Variants in BCR observed in about 807,000 individuals in gnomAD.
The protein encoded by BCR is BCR activator of RhoGEF and GTPase, also known as breakpoint cluster region protein.
A neutral mutation model predicts 138.6 loss-of-function variants in BCR; 58 were observed. That is an observed-to-expected ratio of 0.42 (90% CI 0.34 to 0.52). The LOEUF is 0.52. Among genes scored for constraint, BCR ranks in the 20% least tolerant of loss-of-function variants. BCR has a pLI of 0.06. For missense variants in BCR, 1,599 were observed against 1,727.2 expected (o/e 0.93, Z 1.32); for synonymous variants, 786 against 730.1 (o/e 1.08, Z -1.23).
chr22:23,262,980 G>A, intron 4 of BCR: 1 of 937,700 alleles, frequency 1.1e-6, no homozygotes, highest in Non-Finnish European at 1.4e-6. Flanking sequence ...CAAAGGAGAT[G>A]AGGGGAGCGT....
At chr22:23,286,569 C>T (rs372837927) in intron 10 of BCR, among the ~76,000 whole-genome samples, 1 of 152,152 alleles carries the variant, frequency 6.6e-6, no homozygotes, top group South Asian at 2.1e-4. Flanking sequence ...TTGCATTCTC[C>T]ATGTTCAGCT....
chr22:23,296,343 T>C (rs910830423), intron 16 of BCR, among the ~76,000 whole-genome samples: 7 of 130,186 alleles, frequency 5.4e-5, no homozygotes, highest in African/African-American at 1.8e-4. Context: ...CGCTGATCTC[T>C]AGCCTGGGTG....
At chr22:23,264,031 C>T (rs2073405509) in intron 4 of BCR, 2 of 952,742 alleles carry the variant, frequency 2.1e-6, no homozygotes, top group Non-Finnish European at 3.5e-6. Context: ...TATGAGTCCC[C>T]TTTCGCACTG....
intron 16 of BCR, among the ~76,000 whole-genome samples, chr22:23,295,858 A>G (rs1033069450): frequency 2.0e-5 from 3 of 151,934 alleles, no homozygotes; most frequent in Admixed American, 6.6e-5. Context: ...CACCCTCACA[A>G]TTGCGCGGGG....
chr22:23,290,684 G>A (rs1043492450), intron 14 of BCR: 3 of 477,450 alleles, frequency 6.3e-6, no homozygotes, highest in Non-Finnish European at 1.2e-5. Context: ...AGTAATTGCA[G>A]GGGTTTGGCA....
intron 1 of BCR, 36 bp from the exon 2 acceptor site, chr22:23,253,763 C>T: frequency 3.2e-6 from 5 of 1,580,206 alleles, no homozygotes; most frequent in Non-Finnish European, 4.3e-6. Context: ...GCTCCCTTCT[C>T]TGTCTCTAAC....
chr22:23,315,470 T>C lies in BCR; in HGVS notation c.3764T>C (p.Ile1255Thr). 6.2e-7 allele frequency: 1 copy of C among 1,613,158 alleles called. No individual in the cohort carries two copies. Among genetic ancestry groups the C allele is most frequent in the Non-Finnish European group, 8.5e-7 (1 of 1,179,998 alleles). The change falls in exon 23 of 23, where the codon ATC becomes ACC. Residue 1255 changes from isoleucine (I) to threonine (T), a missense_variant. Ile to Thr is a moderately conservative substitution (Grantham distance 89). Transcript: ENST00000305877. Reference sequence around the variant, plus strand: ...CTGTACTTCCTGCAGCTGGAGGCCATCCCTGCCCCGGACAGCAAGAGACAG... The same window carrying C: ...CTGTACTTCCTGCAGCTGGAGGCCACCCCTGCCCCGGACAGCAAGAGACAG... Reference protein sequence around the residue: ...VLLYFLQLEAIPAPDSKRQSI... With the variant: ...VLLYFLQLEATPAPDSKRQSI...
At chr22:23,314,209 A>C in intron 21 of BCR, 136 bp downstream of exon 21, 1 of 713,176 alleles carries the variant, frequency 1.4e-6, no homozygotes, top group Admixed American at 2.4e-5. Context: ...GCCTTTGGCG[A>C]CTAGTGCCAC....
At chr22:23,204,211 A>C (rs376918775) in intron 1 of BCR, among the ~76,000 whole-genome samples, 2 of 151,890 alleles carry the variant, frequency 1.3e-5, no homozygotes, top group East Asian at 1.9e-4. Context: ...TAGCCATCCC[A>C]GCTCATGGAT....
At chr22:23,197,684 A>G (rs2072499746) in intron 1 of BCR, among the ~76,000 whole-genome samples, 2 of 151,934 alleles carry the variant, frequency 1.3e-5, no homozygotes, top group Non-Finnish European at 2.9e-5. Flanking sequence ...TTTGAGGATG[A>G]TAGGGAGCCA....
rs76203132 is a variant in BCR, at chr22:23,239,340, G to C, written c.1280-14459G>C. ...GTGGCTCTGGTCTGTTCTCTAGCAG[G>C]AGAGTCTGGGGTCAATCTGTAATAA... is the stretch of plus-strand genomic sequence containing the variant. On this transcript the variant is annotated intron_variant, in intron 1 of 22. Transcript: ENST00000305877. Among the ~76,000 whole-genome samples, 960 of 152,324 alleles carry C rather than the reference G, an allele frequency of 6.3e-3. 12 individuals are homozygous for C. The highest frequency in any genetic ancestry group is 0.022 in the African/African-American group (915 of 41,588).
Position 23,181,948 on chromosome 22 carries a change from C to A in BCR, c.988C>A (p.Pro330Thr), listed in dbSNP as rs773488857. ...TGAGGATTGCGGAGGCGGCTATACCCCGGACTGCAGCTCCAATGAGAACCT... is the reference window on the plus strand; with the variant it reads ...TGAGGATTGCGGAGGCGGCTATACCACGGACTGCAGCTCCAATGAGAACCT... ...SFEDCGGGYT[P>T]DCSSNENLTS... Residue 330 changes from proline to threonine, a missense_variant, in exon 1 of 23, where the codon CCG (proline) becomes ACG (threonine). Transcript: ENST00000305877. 1.2e-6 allele frequency: 2 copies of A among 1,613,050 alleles called. No individual in the cohort carries two copies. Among genetic ancestry groups the A allele is most frequent in the Non-Finnish European group, 1.7e-6 (2 of 1,179,908 alleles).
chr22:23,288,709 C>T (rs926878451), intron 12 of BCR, among the ~76,000 whole-genome samples: 2 of 152,246 alleles, frequency 1.3e-5, no homozygotes, highest in African/African-American at 4.8e-5. Flanking sequence ...TTCATATGGC[C>T]GGGGTTGCCC....
At chr22:23,284,477 A>G (rs1262489867) in intron 9 of BCR, among the ~76,000 whole-genome samples, 1 of 151,888 alleles carries the variant, frequency 6.6e-6, no homozygotes, top group African/African-American at 2.4e-5. Flanking sequence ...AGGCGTGCAC[A>G]CACTCCCCTC....
At chr22:23,298,374 T>C (rs543174631) in intron 16 of BCR, among the ~76,000 whole-genome samples, 55 of 152,222 alleles carry the variant, frequency 3.6e-4, no homozygotes, top group Admixed American at 1.7e-3. Flanking sequence ...CCTGAGAACA[T>C]GCCCAAGGAT....
At chr22:23,243,039 C>CAATAT (rs1224252895) in intron 1 of BCR, 3 of 328,320 alleles carry the variant, frequency 9.1e-6, no homozygotes, top group African/African-American at 6.5e-5. Context: ...ATTTAGGGTC[C>CAATAT]ATCAGTGTGA....
intron 1 of BCR, among the ~76,000 whole-genome samples, chr22:23,216,403 T>C (rs894378821): frequency 1.3e-5 from 2 of 152,220 alleles, no homozygotes; most frequent in African/African-American, 4.8e-5. Flanking sequence ...TTATTCATTG[T>C]ATTCATAACA....
intron 1 of BCR, among the ~76,000 whole-genome samples, chr22:23,196,923 G>T (rs796472920): frequency 5.9e-5 from 9 of 152,290 alleles, no homozygotes; most frequent in African/African-American, 2.2e-4. Context: ...TTCATGGCCC[G>T]GGGGTTGGGG....
intron 11 of BCR, 65 bp downstream of exon 11, chr22:23,287,343 T>C (rs2073727090): frequency 5.4e-6 from 8 of 1,468,478 alleles, no homozygotes; most frequent in South Asian, 1.4e-5. Context: ...GGTTGCCTAA[T>C]GGCAGTGCGT....
Sources: allele counts gnomAD v4.1 joint callset (sites outside exome capture counted in the v4.1 genomes callset), GRCh38; gene constraint gnomAD v4.1.1; transcripts MANE v1.5; gene names NCBI Gene and HGNC (gene_info 2026-07-23, HGNC 2026-07-21).